SPCS3: variants seen among roughly 807,000 people sequenced by gnomAD.
The protein encoded by SPCS3 is signal peptidase complex subunit 3.
In SPCS3, 9 loss-of-function variants were observed where a neutral mutation model predicts 17.2. That is an observed-to-expected ratio of 0.52 (90% CI 0.31 to 0.91). The LOEUF (loss-of-function observed/expected upper bound fraction) is 0.91, where lower values mean the gene tolerates loss of function less well. SPCS3 is among the 40% of genes least tolerant of loss of function. SPCS3 has a pLI of 0.04. For missense variants in SPCS3, 139 were observed against 217.5 expected (o/e 0.64, Z 2.27); for synonymous variants, 87 against 89.6 (o/e 0.97, Z 0.16).
intron 3 of SPCS3, among the ~76,000 whole-genome samples, chr4:176,325,813 G>A (rs746358848): frequency 6.6e-5 from 10 of 151,378 alleles, no homozygotes; most frequent in Non-Finnish European, 1.0e-4. Context: ...GTATGATCTC[G>A]GCTCACTGCA....
At position 176,328,476 on chromosome 4, in the gene SPCS3, A is replaced by T; in HGVS notation, c.*146A>T. 1.8e-6 allele frequency: 1 copy of T among 543,478 alleles called. No homozygotes were observed. The highest frequency in any genetic ancestry group is 2.0e-5 in the African/African-American group (1 of 50,082). 33.7% of individuals were successfully genotyped at this position (543,478 alleles called of 1,614,324 possible). A position where few individuals can be genotyped will look rare whatever the true frequency, so the allele number is the denominator to read the frequency against. ...TTTTTGGTATAAGAACTAACATCAA[A>T]AGGCCTGTTTAAAGGGAAAGGTTAA... On this transcript the variant is annotated 3_prime_UTR_variant, in exon 5 of 5. Transcript: ENST00000503362.
chr4:176,322,169 G>GA lies in SPCS3; in HGVS notation c.149dup (p.Asn50LysfsTer9). 1 of 1,592,808 alleles carries GA rather than the reference G, an allele frequency of 6.3e-7. No individual in the cohort carries two copies. Among genetic ancestry groups the GA allele is most frequent in the South Asian group, 1.1e-5 (1 of 90,262 alleles). ...GGTAAAACTTTTATCTTTATTCCTA[G>GA]AAAAAATGTAGAAGATTTCACTGGA... On this transcript the variant is annotated frameshift_variant and splice_region_variant. Transcript: ENST00000503362. LOFTEE classifies it high-confidence loss of function.
chr4:176,329,008 T>C lies in SPCS3; in HGVS notation c.*678T>C, dbSNP rs1420750982. ...ATCTTTTAGGTCAGCAAAATGTGTG[T>C]CTTCAGTGCTTTCTCTAAAAACGTT... On this transcript the variant is annotated 3_prime_UTR_variant, in exon 5 of 5. Transcript: ENST00000503362. The C allele has an allele frequency of 6.6e-6, 1 of 152,138 alleles. No homozygotes were observed. Among genetic ancestry groups the C allele is most frequent in the Non-Finnish European group, 1.5e-5 (1 of 67,976 alleles). The allele number at this position is 152,138 out of a possible 1,614,324, so 9.4% of individuals were successfully genotyped here. A position where few individuals can be genotyped will look rare whatever the true frequency, so the allele number is the denominator to read the frequency against.
At chr4:176,322,914 T>C (rs1321308141) in intron 2 of SPCS3, among the ~76,000 whole-genome samples, 1 of 152,128 alleles carries the variant, frequency 6.6e-6, no homozygotes, top group Non-Finnish European at 1.5e-5. Flanking sequence ...TTGGCAATGT[T>C]CTCTGCCATT....
In SPCS3 at chr4:176,329,245, G is replaced by C. The variant is rs891553987; in HGVS notation, c.*915G>C. 2 of 152,038 alleles carry C rather than the reference G, an allele frequency of 1.3e-5. No homozygotes were observed. Among genetic ancestry groups the C allele is most frequent in the African/African-American group, 4.8e-5 (2 of 41,402 alleles). The allele number at this position is 152,038 out of a possible 1,614,324, so 9.4% of individuals were successfully genotyped here. A position where few individuals can be genotyped will look rare whatever the true frequency, so the allele number is the denominator to read the frequency against. ...ATTTACAAACCACTCATATACTTTA[G>C]TGTATGTCATCCTCAATAATCTAAT... On this transcript the variant is annotated 3_prime_UTR_variant, in exon 5 of 5. Transcript: ENST00000503362.
intron 3 of SPCS3, among the ~76,000 whole-genome samples, chr4:176,325,116 G>A (rs1305667611): frequency 2.7e-5 from 4 of 145,908 alleles, no homozygotes; most frequent in African/African-American, 7.6e-5. Flanking sequence ...CAGTAGCGCC[G>A]TCAATCTCAG....
At chr4:176,321,960 G>A in intron 1 of SPCS3, 1 of 408,884 alleles carries the variant, frequency 2.4e-6, no homozygotes, top group Non-Finnish European at 4.4e-6. Flanking sequence ...ATTCTCTTGA[G>A]GTATATGCAA....
chr4:176,320,128 G>C lies in SPCS3; in HGVS notation c.52G>C (p.Val18Leu). The part of the protein sequence containing the change: ...ANSLFAFSLS[V>L]MAALTFGCFI... Reference sequence around the variant, plus strand: ...CTCACTGTTCGCCTTCTCGCTGAGCGTGATGGCGGCGCTCACCTTCGGCTG... The same window carrying C: ...CTCACTGTTCGCCTTCTCGCTGAGCCTGATGGCGGCGCTCACCTTCGGCTG... Residue 18 changes from valine to leucine, a missense_variant, in exon 1 of 5, where the codon GTG becomes CTG. Coordinates refer to ENST00000503362, the MANE Select transcript of SPCS3 (RefSeq NM_021928.4). 1 of 1,582,996 alleles carries C rather than the reference G, an allele frequency of 6.3e-7. No individual in the cohort carries two copies. The highest frequency in any genetic ancestry group is 8.6e-7 in the Non-Finnish European group (1 of 1,165,648).
Position 176,331,606 on chromosome 4 carries a change from T to G in SPCS3, c.*3276T>G, listed in dbSNP as rs1401749115. On this transcript the variant is annotated 3_prime_UTR_variant, in exon 5 of 5. Coordinates refer to ENST00000503362, the MANE Select transcript of SPCS3 (RefSeq NM_021928.4). ...CCTTTTTAAATTTTTTTATTTTTTC[T>G]GAGACGGAGATCTGCTCTTACGCCC... 2 of 152,230 alleles carry G rather than the reference T, an allele frequency of 1.3e-5. No homozygotes were observed. The highest frequency in any genetic ancestry group is 2.9e-5 in the Non-Finnish European group (2 of 68,048). The allele number at this position is 152,230 out of a possible 1,614,324, so 9.4% of individuals were successfully genotyped here.
In SPCS3 at chr4:176,329,225, C is replaced by A. The variant is rs760040446; in HGVS notation, c.*895C>A. ...ATAATTGTGGTATGCTTTCCATTTACAAACCACTCATATACTTTAGTGTAT... is the reference window on the plus strand; with the variant it reads ...ATAATTGTGGTATGCTTTCCATTTAAAAACCACTCATATACTTTAGTGTAT... On this transcript the variant is annotated 3_prime_UTR_variant, in exon 5 of 5. Transcript: ENST00000503362. 1 of 152,034 alleles carries A rather than the reference C, an allele frequency of 6.6e-6. No individual in the cohort carries two copies. The allele number at this position is 152,034 out of a possible 1,614,324, so 9.4% of individuals were successfully genotyped here. A position where few individuals can be genotyped will look rare whatever the true frequency, so the allele number is the denominator to read the frequency against.
At position 176,327,214 on chromosome 4, in the gene SPCS3, C is replaced by T. The variant is rs762898441; in HGVS notation, c.347C>T (p.Pro116Leu). 5.6e-6 allele frequency: 9 copies of T among 1,599,446 alleles called. No individual in the cohort carries two copies. Among genetic ancestry groups the T allele is most frequent in the Non-Finnish European group, 6.8e-6 (8 of 1,173,342 alleles). The change falls in exon 4 of 5, where the codon CCG becomes CTG. Residue 116 changes from proline (P) to leucine (L), a missense_variant. Physicochemically the swap from Pro to Leu is moderately conservative, Grantham distance 98. Coordinates refer to ENST00000503362, the MANE Select transcript of SPCS3 (RefSeq NM_021928.4). The stretch of plus-strand genomic sequence containing the variant: ...AAGATTGTTTTGAGAGGTGATAATC[C>T]GAAGCTGCTGCTGAAAGATATGAAA... Reference protein sequence around the residue: ...WDKIVLRGDNPKLLLKDMKTK... With the variant: ...WDKIVLRGDNLKLLLKDMKTK...
chr4:176,320,911 C>G (rs974220764), intron 1 of SPCS3: 2 of 152,160 alleles, frequency 1.3e-5, no homozygotes, highest in African/African-American at 4.8e-5. Flanking sequence ...TTTTCTTTTG[C>G]CAACCACTTG....
rs1278231877 is a variant in SPCS3, at chr4:176,329,228, A to G, written c.*898A>G. ...ATTGTGGTATGCTTTCCATTTACAA[A>G]CCACTCATATACTTTAGTGTATGTC... On this transcript the variant is annotated 3_prime_UTR_variant, in exon 5 of 5. Transcript: ENST00000503362. 1 of 152,106 alleles carries G rather than the reference A, an allele frequency of 6.6e-6. No individual in the cohort carries two copies. Among genetic ancestry groups the G allele is most frequent in the Non-Finnish European group, 1.5e-5 (1 of 67,980 alleles). The allele number at this position is 152,106 out of a possible 1,614,324, so 9.4% of individuals were successfully genotyped here.
intron 2 of SPCS3, among the ~76,000 whole-genome samples, chr4:176,323,617 G>T (rs774575406): frequency 1.3e-5 from 2 of 152,278 alleles, no homozygotes; most frequent in Non-Finnish European, 2.9e-5. Context: ...TTCTGGTGAA[G>T]TTCTTGTCCT....
intron 4 of SPCS3, among the ~76,000 whole-genome samples, chr4:176,327,591 T>C (rs779015210): frequency 2.3e-4 from 35 of 152,124 alleles, no homozygotes; most frequent in Non-Finnish European, 4.0e-4. Context: ...TGAGCGTGAG[T>C]CGGGAAACCT....
At chr4:176,321,090 T>C (rs1284689133) in intron 1 of SPCS3, 1 of 152,174 alleles carries the variant, frequency 6.6e-6, no homozygotes, top group Non-Finnish European at 1.5e-5. Flanking sequence ...ACACAAGTTC[T>C]TTAACCTTAG....
Position 176,328,185 on chromosome 4 carries a change from T to C in SPCS3, c.411-13T>C. 6.2e-7 allele frequency: 1 copy of C among 1,609,590 alleles called. No individual in the cohort carries two copies. Among genetic ancestry groups the C allele is most frequent in the South Asian group, 1.1e-5 (1 of 89,932 alleles). On this transcript the variant is annotated splice_polypyrimidine_tract_variant and intron_variant, in intron 4 of 4. Coordinates refer to ENST00000503362, the MANE Select transcript of SPCS3 (RefSeq NM_021928.4). ...TGTCTCTGATGACTTGTGTTTATTA[T>C]ATCTTTTTATAGGGGAAACAGGAAT...
intron 1 of SPCS3, chr4:176,320,910 G>T (rs1292760158): frequency 6.6e-6 from 1 of 152,092 alleles, no homozygotes; most frequent in Non-Finnish European, 1.5e-5. Context: ...TTTTTCTTTT[G>T]CCAACCACTT....
rs1042493384 is a variant in SPCS3 at position 176,330,549 on chromosome 4, T to C, written c.*2219T>C. 6.6e-6 allele frequency: 1 copy of C among 152,216 alleles called. No individual in the cohort carries two copies. Among genetic ancestry groups the C allele is most frequent in the South Asian group, 2.1e-4 (1 of 4,832 alleles). The allele number at this position is 152,216 out of a possible 1,614,324, so 9.4% of individuals were successfully genotyped here. A position where few individuals can be genotyped will look rare whatever the true frequency, so the allele number is the denominator to read the frequency against. On this transcript the variant is annotated 3_prime_UTR_variant, in exon 5 of 5. Coordinates refer to ENST00000503362, the MANE Select transcript of SPCS3 (RefSeq NM_021928.4). ...TACAATGTGGAGAAAGTTTTCTGTTTGCTTGACTAAGGGAAATTGCTCAGA... is the reference window on the plus strand; with the variant it reads ...TACAATGTGGAGAAAGTTTTCTGTTCGCTTGACTAAGGGAAATTGCTCAGA...
Sources: gnomAD v4.1 joint callset for allele counts (sites outside exome capture counted in the v4.1 genomes callset) on GRCh38, gnomAD v4.1.1 for gene constraint, MANE v1.5 for transcripts, NCBI Gene and HGNC (gene_info 2026-07-23, HGNC 2026-07-21) for gene names.